ERBB4: variants seen among roughly 807,000 people sequenced by gnomAD.
ERBB4 encodes receptor tyrosine-protein kinase erbB-4.
A neutral mutation model predicts 158.0 loss-of-function variants in ERBB4; 42 were observed. That is an observed-to-expected ratio of 0.27 (90% confidence interval 0.21 to 0.34). The LOEUF is 0.34. ERBB4 is among the 10% of genes least tolerant of loss of function. ERBB4 has a pLI of 1.00. For synonymous variants in ERBB4, 583 were observed against 558.7 expected, an observed-to-expected ratio of 1.04 and a Z score of -0.61; for missense variants, 1,333 against 1,624.1, an observed-to-expected ratio of 0.82 and a Z score of 3.08.
At chr2:212,045,322 G>A (rs1199362365) in intron 2 of ERBB4, among the ~76,000 whole-genome samples, 1 of 152,098 alleles carries the variant, frequency 6.6e-6, no homozygotes, top group Non-Finnish European at 1.5e-5. Context: ...AGCCAGACAT[G>A]TGGTGCACAT....
At chr2:211,430,321 T>C (rs1333454752) in intron 21 of ERBB4, among the ~76,000 whole-genome samples, 5 of 152,050 alleles carry the variant, frequency 3.3e-5, no homozygotes, top group African/African-American at 4.8e-5. Flanking sequence ...AGTCTAGTCC[T>C]AATAGTTTGG....
At chr2:212,369,254 T>C (rs538603797) in intron 1 of ERBB4, among the ~76,000 whole-genome samples, 1 of 152,308 alleles carries the variant, frequency 6.6e-6, no homozygotes, top group East Asian at 1.9e-4. Flanking sequence ...ATGACAACAG[T>C]GGAGCTGAGT....
At chr2:212,377,703 C>T (rs941559664) in intron 1 of ERBB4, among the ~76,000 whole-genome samples, 9 of 151,748 alleles carry the variant, frequency 5.9e-5, no homozygotes, top group Admixed American at 6.6e-5. Context: ...CTACTGCAGA[C>T]TTTGTAAATG....
chr2:211,944,081 C>CTATATATATA (rs58348907), intron 3 of ERBB4, among the ~76,000 whole-genome samples: 49 of 133,612 alleles, frequency 3.7e-4, no homozygotes, highest in African/African-American at 1.3e-3. Flanking sequence ...CATGGTTACA[C>CTATATATATA]TATATATATA....
chr2:212,295,474 TGAAAA>T (rs1277270696), intron 1 of ERBB4, among the ~76,000 whole-genome samples: 6 of 152,186 alleles, frequency 3.9e-5, no homozygotes, highest in Admixed American at 1.3e-4. Flanking sequence ...CTGTTTCAAA[TGAAAA>T]GAAAACGTAT....
chr2:211,836,240 G>A (rs1004307430), intron 3 of ERBB4, among the ~76,000 whole-genome samples: 4 of 151,920 alleles, frequency 2.6e-5, no homozygotes, highest in African/African-American at 9.7e-5. Context: ...ATAGACACAC[G>A]GGTCTCAATA....
chr2:211,883,216 G>A (rs563097289), intron 3 of ERBB4, among the ~76,000 whole-genome samples: 7 of 152,072 alleles, frequency 4.6e-5, no homozygotes, highest in South Asian at 4.1e-4. Flanking sequence ...CAAACACCGC[G>A]TGTTCTCACT....
intron 1 of ERBB4, 79 bp downstream of exon 1, chr2:212,538,370 G>C: frequency 7.8e-7 from 1 of 1,280,490 alleles, no homozygotes; most frequent in Non-Finnish European, 1.1e-6. Flanking sequence ...CGGGATGGGT[G>C]AAGAGGGCAG....
intron 1 of ERBB4, among the ~76,000 whole-genome samples, chr2:212,329,959 T>A (rs1253124665): frequency 6.6e-6 from 1 of 152,056 alleles, no homozygotes; most frequent in Non-Finnish European, 1.5e-5. Context: ...AAGAGTCCAC[T>A]GAAATCAAAA....
chr2:211,948,949 G>GGCTC (rs1463392559), intron 2 of ERBB4, among the ~76,000 whole-genome samples: 5 of 151,894 alleles, frequency 3.3e-5, no homozygotes, highest in Non-Finnish European at 7.4e-5. Context: ...ACCTATCAAT[G>GGCTC]GCTGAACTCT....
chr2:211,555,151 T>C (rs1017400086), intron 20 of ERBB4, among the ~76,000 whole-genome samples: 2 of 152,174 alleles, frequency 1.3e-5, no homozygotes, highest in Non-Finnish European at 2.9e-5. Context: ...CATGACTGCC[T>C]ATAAGAAACA....
intron 1 of ERBB4, among the ~76,000 whole-genome samples, chr2:212,393,820 A>C (rs967109128): frequency 1.3e-5 from 2 of 152,074 alleles, no homozygotes; most frequent in African/African-American, 4.8e-5. Context: ...CTTCCTTTGC[A>C]GTAAGGTGTG....
At chr2:211,454,572 T>C (rs1005600668) in intron 20 of ERBB4, among the ~76,000 whole-genome samples, 21 of 152,164 alleles carry the variant, frequency 1.4e-4, no homozygotes, top group African/African-American at 5.1e-4. Flanking sequence ...TAAAGTAATT[T>C]AGGGGTTTTT....
chr2:212,286,196 T>C (rs1425983697), intron 1 of ERBB4, among the ~76,000 whole-genome samples: 1 of 152,190 alleles, frequency 6.6e-6, no homozygotes, highest in East Asian at 1.9e-4. Context: ...TTACATTGGT[T>C]CTTACGGTTT....
intron 2 of ERBB4, among the ~76,000 whole-genome samples, chr2:212,097,373 C>G (rs1446362587): frequency 6.6e-6 from 1 of 152,088 alleles, no homozygotes; most frequent in African/African-American, 2.4e-5. Context: ...CAGATGAAAA[C>G]CATTTCAGGT....
At position 211,422,857 on chromosome 2, in the gene ERBB4, G is replaced by A. The variant is rs555761804; in HGVS notation, c.2867-753C>T. Among the ~76,000 whole-genome samples, 4 of 151,926 alleles carry A rather than the reference G, an allele frequency of 2.6e-5. No individual in the cohort carries two copies. In the East Asian group the frequency reaches 7.7e-4, roughly 29 times the overall value. ...TGAGTTTAAATCATTTCCTATGCTA[G>A]TTACAGGATTAAATTATATAAGACA... On this transcript the variant is annotated intron_variant, in intron 23 of 27. Coordinates refer to ENST00000342788, the MANE Select transcript of ERBB4 (RefSeq NM_005235.3).
intron 2 of ERBB4, among the ~76,000 whole-genome samples, chr2:211,979,711 G>A (rs2081735494): frequency 1.3e-5 from 2 of 152,082 alleles, no homozygotes; most frequent in Admixed American, 6.6e-5. Flanking sequence ...TCAGTGAAAT[G>A]TTTAATCATT....
chr2:212,354,571 C>A (rs1486141450), intron 1 of ERBB4, among the ~76,000 whole-genome samples: 1 of 152,226 alleles, frequency 6.6e-6, no homozygotes, highest in East Asian at 1.9e-4. Flanking sequence ...CTGGGTATCT[C>A]ATTCTTACAC....
At chr2:211,532,127 G>A (rs2066515892) in intron 20 of ERBB4, among the ~76,000 whole-genome samples, 1 of 147,990 alleles carries the variant, frequency 6.8e-6, no homozygotes, top group Admixed American at 7.0e-5. Context: ...TAGAAGAATT[G>A]TCACCAGAGT....
Sources: allele counts gnomAD v4.1 joint callset (sites outside exome capture counted in the v4.1 genomes callset), GRCh38; gene constraint gnomAD v4.1.1; transcripts MANE v1.5; gene names NCBI Gene and HGNC (gene_info 2026-07-23, HGNC 2026-07-21).